Variants in TP73 observed in about 807,000 individuals in gnomAD.
The protein encoded by TP73 is tumor protein p73.
A neutral mutation model predicts 62.5 loss-of-function variants in TP73; 25 were observed. The ratio of observed to expected loss-of-function variants is 0.40; its 90% CI spans 0.29 to 0.56. The LOEUF (loss-of-function observed/expected upper bound fraction) is 0.56. TP73 is among the 20% of genes least tolerant of loss of function. The probability of loss-of-function intolerance (pLI) is 0.46; values close to 1 mark genes in which losing one functional copy is unlikely to be tolerated. For synonymous variants in TP73, 423 were observed against 377.5 expected, an observed-to-expected ratio of 1.12 and a Z score of -1.40; for missense variants, 754 against 913.3, an observed-to-expected ratio of 0.83 and a Z score of 2.25.
At chr1:3,713,457 G>A (rs1640330158) in intron 4 of TP73, among the ~76,000 whole-genome samples, 1 of 152,254 alleles carries the variant, frequency 6.6e-6, no homozygotes, top group Admixed American at 6.5e-5. Context: ...TGCGGTCGTA[G>A]GTGACCTGGA....
At chr1:3,676,630 C>A (rs919780296) in intron 1 of TP73, among the ~76,000 whole-genome samples, 33 of 152,090 alleles carry the variant, frequency 2.2e-4, no homozygotes, top group Admixed American at 3.9e-4. Flanking sequence ...CAGAGGGGAG[C>A]ATTCGGGTGC....
chr1:3,731,454 T>C lies in TP73; in HGVS notation c.1485-9T>C. 6.2e-7 allele frequency: 1 copy of C among 1,613,102 alleles called. No homozygotes were observed. The highest frequency in any genetic ancestry group is 8.5e-7 in the Non-Finnish European group (1 of 1,179,610). ...TAATGCTGCTTCCTTTCTCAAATTC[T>C]CTCTGCAGTTTTTTAACAGGATTGG... is the stretch of plus-strand genomic sequence containing the variant. On this transcript the variant is annotated splice_polypyrimidine_tract_variant and intron_variant, in intron 12 of 13. Coordinates refer to ENST00000378295, the MANE Select transcript of TP73 (RefSeq NM_005427.4).
At chr1:3,717,097 C>G (rs559423925) in intron 4 of TP73, among the ~76,000 whole-genome samples, 1 of 152,392 alleles carries the variant, frequency 6.6e-6, no homozygotes, top group South Asian at 2.1e-4. Context: ...TTGCGGTTTG[C>G]AAGATGCTAC....
intron 1 of TP73, among the ~76,000 whole-genome samples, chr1:3,657,559 T>C (rs1374922843): frequency 6.6e-6 from 1 of 152,232 alleles, no homozygotes; most frequent in East Asian, 1.9e-4. Context: ...AGAGTGGCTA[T>C]GTTTCAGTAA....
At chr1:3,732,160 A>G (rs1312251477) in intron 13 of TP73, among the ~76,000 whole-genome samples, 1 of 152,180 alleles carries the variant, frequency 6.6e-6, no homozygotes, top group East Asian at 1.9e-4. Flanking sequence ...CCCCCCAGCC[A>G]GTGCCGCGGC....
At chr1:3,705,994 G>A (rs1275081905) in intron 3 of TP73, among the ~76,000 whole-genome samples, 1 of 152,214 alleles carries the variant, frequency 6.6e-6, no homozygotes, top group African/African-American at 2.4e-5. Context: ...GCACCCTCCT[G>A]TGCGGGCAGT....
In TP73 at chr1:3,730,110, C is replaced by T. The variant is rs766763469; in HGVS notation, c.1307C>T (p.Pro436Leu). The change falls in exon 11 of 14, where the codon CCG (proline) becomes CTG (leucine). Residue 436 changes from proline (P) to leucine (L), a missense_variant. By Grantham distance (98) the Pro-to-Leu change is moderately conservative (BLOSUM62 -3). Coordinates refer to ENST00000378295, the MANE Select transcript of TP73 (RefSeq NM_005427.4). ...AACCAGCTGGTGGGCCAGCCTCCCC[C>T]GCACAGTTCGGCAGCTACACCCAAC... The part of the protein sequence containing the change: ...SVNQLVGQPP[P>L]HSSAATPNLG... The T allele has an allele frequency of 2.3e-5, 37 of 1,577,256 alleles. No homozygotes were observed. The highest frequency in any genetic ancestry group is 1.9e-4 in the East Asian group (8 of 42,864).
rs1369880113 is a variant in TP73 at position 3,729,316 on chromosome 1, T to C, written c.1075-11T>C. 1 of 1,612,798 alleles carries C rather than the reference T, an allele frequency of 6.2e-7. No homozygotes were observed. Among genetic ancestry groups the C allele is most frequent in the Non-Finnish European group, 8.5e-7 (1 of 1,179,938 alleles). ...GGGCACGTGGGCAGAGATCTGCTCCTCTGTGCTCAGGTGCGAGGCCGGGAG... is the reference window on the plus strand; with the variant it reads ...GGGCACGTGGGCAGAGATCTGCTCCCCTGTGCTCAGGTGCGAGGCCGGGAG... On this transcript the variant is annotated splice_polypyrimidine_tract_variant and intron_variant, in intron 9 of 13. Coordinates refer to ENST00000378295, the MANE Select transcript of TP73 (RefSeq NM_005427.4).
intron 4 of TP73, among the ~76,000 whole-genome samples, chr1:3,710,023 T>G (rs1639998661): frequency 6.6e-6 from 1 of 152,240 alleles, no homozygotes; most frequent in African/African-American, 2.4e-5. Context: ...TTGTCTCAAC[T>G]GCCTTGTCCT....
intron 3 of TP73, among the ~76,000 whole-genome samples, chr1:3,692,508 A>G (rs2124252306): frequency 6.6e-6 from 1 of 152,294 alleles, no homozygotes; most frequent in South Asian, 2.1e-4. Flanking sequence ...TTGTGCATTG[A>G]TACATGTATC....
At chr1:3,661,744 T>C (rs1384513968) in intron 1 of TP73, among the ~76,000 whole-genome samples, 1 of 147,208 alleles carries the variant, frequency 6.8e-6, no homozygotes, top group Non-Finnish European at 1.5e-5. Context: ...ATATATAATA[T>C]GTATTACATA....
At chr1:3,710,921 C>T (rs1282340139) in intron 4 of TP73, among the ~76,000 whole-genome samples, 2 of 152,178 alleles carry the variant, frequency 1.3e-5, no homozygotes, top group African/African-American at 2.4e-5. Context: ...GAGGAGGAGG[C>T]GAGTCGTGGG....
chr1:3,726,769 AATGGATGGGTAGGTGG>A (rs1431196133), intron 6 of TP73, among the ~76,000 whole-genome samples: 1 of 140,168 alleles, frequency 7.1e-6, no homozygotes, highest in Non-Finnish European at 1.5e-5. Context: ...ATGGATATTG[AATGGATGGGTAGGTGG>A]ATGGATGGGT....
intron 4 of TP73, among the ~76,000 whole-genome samples, chr1:3,720,561 G>A (rs1640988140): frequency 6.6e-6 from 1 of 152,252 alleles, no homozygotes; most frequent in Non-Finnish European, 1.5e-5. Context: ...TCACCAGAGA[G>A]GGGACCGCTC....
intron 6 of TP73, among the ~76,000 whole-genome samples, chr1:3,726,775 T>C (rs1015203162): frequency 2.9e-5 from 4 of 139,924 alleles, no homozygotes; most frequent in Admixed American, 2.9e-4. Context: ...ATTGAATGGA[T>C]GGGTAGGTGG....
chr1:3,730,929 C>T lies in TP73; in HGVS notation c.1348C>T (p.Pro450Ser). 6.2e-7 allele frequency: 1 copy of T among 1,603,534 alleles called. No individual in the cohort carries two copies. The highest frequency in any genetic ancestry group is 1.1e-5 in the South Asian group (1 of 89,436). Residue 450 changes from proline (P) to serine (S), a missense_variant and splice_region_variant, in exon 12 of 14, where the codon CCC becomes TCC. Around this residue, in one of 3 missense-constraint regions of TP73, gnomAD observed 458 missense variants for 528.7 expected, o/e 0.87. Transcript: ENST00000378295. ...AATPNLGPVG[P>S]GMLNNHGHAV... ...GGCCCCACCTGCCTCTCACCCAGGC[C>T]CCGGGATGCTCAACAACCATGGCCA... is the stretch of plus-strand genomic sequence containing the variant.
At chr1:3,720,932 G>A (rs1641018407) in intron 4 of TP73, among the ~76,000 whole-genome samples, 2 of 152,234 alleles carry the variant, frequency 1.3e-5, no homozygotes. Context: ...GGGCACTTGC[G>A]GCTGCAGTGA....
At chr1:3,673,572 T>A (rs1645292838) in intron 1 of TP73, among the ~76,000 whole-genome samples, 1 of 152,192 alleles carries the variant, frequency 6.6e-6, no homozygotes, top group Admixed American at 6.6e-5. Flanking sequence ...GACATCTATC[T>A]GAGGTCACAC....
At chr1:3,698,633 T>C (rs1404048300) in intron 3 of TP73, among the ~76,000 whole-genome samples, 4 of 149,306 alleles carry the variant, frequency 2.7e-5, no homozygotes, top group African/African-American at 9.9e-5. Flanking sequence ...GCACCGTGAG[T>C]GGACTCCGGG....
Sources: allele counts gnomAD v4.1 joint callset (sites outside exome capture counted in the v4.1 genomes callset), GRCh38; gene constraint gnomAD v4.1.1; regional missense constraint gnomAD v4.1.1; transcripts MANE v1.5; gene names NCBI Gene and HGNC (gene_info 2026-07-23, HGNC 2026-07-21).